FRMD5: variants seen among roughly 807,000 people sequenced by gnomAD.
The protein encoded by FRMD5 is FERM domain-containing protein 5.
In FRMD5, 20 loss-of-function variants were observed where a neutral mutation model predicts 69.0. That is an observed-to-expected ratio of 0.29 (90% CI 0.20 to 0.42). FRMD5 has a LOEUF of 0.42. FRMD5 is among the 10% of genes least tolerant of loss of function. The pLI, the probability that FRMD5 is intolerant of heterozygous loss-of-function variation, is 1.00. For synonymous variants in FRMD5, 271 were observed against 260.1 expected (o/e 1.04, Z -0.40); for missense variants, 595 against 708.6 (o/e 0.84, Z 1.82).
intron 1 of FRMD5, among the ~76,000 whole-genome samples, chr15:44,144,811 C>G (rs1372457975): frequency 2.0e-5 from 3 of 152,124 alleles, no homozygotes; most frequent in Non-Finnish European, 4.4e-5. Flanking sequence ...CAAGTCCTTC[C>G]AAGCGTTTTA....
intron 1 of FRMD5, among the ~76,000 whole-genome samples, chr15:44,058,855 A>C (rs1566925282): frequency 6.6e-6 from 1 of 152,182 alleles, no homozygotes; most frequent in Non-Finnish European, 1.5e-5. Flanking sequence ...CTGGCTCAGA[A>C]GCAAAAATGT....
At chr15:44,193,077 A>C (rs1387729385) in intron 1 of FRMD5, among the ~76,000 whole-genome samples, 2 of 152,348 alleles carry the variant, frequency 1.3e-5, no homozygotes, top group East Asian at 1.9e-4. Context: ...TTATAATACC[A>C]ATCAAGCAAC....
Position 44,015,432 on chromosome 15 carries a change from G to A in FRMD5, c.103-91123C>T, listed in dbSNP as rs114880363. 4.9e-3 allele frequency among the ~76,000 whole-genome samples: 742 copies of A among 152,234 alleles called. 5 individuals are homozygous for A. Among genetic ancestry groups the A allele is most frequent in the African/African-American group, 0.017 (712 of 41,532 alleles). On this transcript the variant is annotated intron_variant, in intron 1 of 13. Transcript: ENST00000417257. ...GCTGGAATTATAGGTGTGGGCAACC[G>A]TGCCTGGCCCTGAAGGTATTTTAAT...
chr15:43,981,313 GAA>G (rs140030764), intron 1 of FRMD5, among the ~76,000 whole-genome samples: 1 of 151,110 alleles, frequency 6.6e-6, no homozygotes, highest in African/African-American at 2.4e-5. Flanking sequence ...ATAAATTAGA[GAA>G]AAAAAAATTA....
intron 2 of FRMD5, among the ~76,000 whole-genome samples, chr15:43,921,113 C>T (rs2089486117): frequency 6.6e-6 from 1 of 152,192 alleles, no homozygotes; most frequent in Non-Finnish European, 1.5e-5. Flanking sequence ...ATTACACGGC[C>T]CACCGCGGCT....
intron 1 of FRMD5, among the ~76,000 whole-genome samples, chr15:43,999,416 T>C (rs1890080274): frequency 6.6e-6 from 1 of 152,150 alleles, no homozygotes; most frequent in African/African-American, 2.4e-5. Flanking sequence ...TTCACACTGT[T>C]GTGCGACCAA....
intron 1 of FRMD5, among the ~76,000 whole-genome samples, chr15:44,140,880 C>CAAAAAAAAAA (rs1203954176): frequency 2.2e-4 from 7 of 31,926 alleles, no homozygotes; most frequent in Admixed American, 3.8e-4. Context: ...GAGACTGTCT[C>CAAAAAAAAAA]AAAAAAAAAA....
chr15:44,113,025 G>A (rs979043165), intron 1 of FRMD5, among the ~76,000 whole-genome samples: 3 of 152,178 alleles, frequency 2.0e-5, no homozygotes, highest in African/African-American at 7.2e-5. Context: ...GGGTCTTATA[G>A]GAATGGTTCT....
intron 2 of FRMD5, among the ~76,000 whole-genome samples, chr15:43,921,304 T>G (rs889110271): frequency 6.6e-6 from 1 of 152,076 alleles, no homozygotes; most frequent in South Asian, 2.1e-4. Context: ...CCCCAGACAT[T>G]AGACTGATAG....
chr15:44,049,696 C>T (rs1396475100), intron 1 of FRMD5, among the ~76,000 whole-genome samples: 1 of 152,154 alleles, frequency 6.6e-6, no homozygotes, highest in Non-Finnish European at 1.5e-5. Flanking sequence ...TAAAATCCTT[C>T]AGTCAGTCAA....
Position 43,885,728 on chromosome 15 carries a change from T to G in FRMD5, c.912A>C (p.Thr304=), listed in dbSNP as rs756826097. The G allele has an allele frequency of 6.2e-7, 1 of 1,614,222 alleles. No individual in the cohort carries two copies. Among genetic ancestry groups the G allele is most frequent in the Non-Finnish European group, 8.5e-7 (1 of 1,180,006 alleles). The change falls in exon 11 of 14, where the codon ACA becomes ACC. Residue 304 remains threonine (T), a synonymous_variant. Coordinates refer to ENST00000417257, the MANE Select transcript of FRMD5 (RefSeq NM_032892.5). ...YKLEKSSQVR[T]VSSSNLFFKG... is the part of the protein sequence containing the mutation. The stretch of plus-strand genomic sequence containing the variant: ...TAAAGAATAAATTGCTGCTGGACAC[T>G]GTGCGGACTTGGCTTGACTTCTCCA...
intron 1 of FRMD5, among the ~76,000 whole-genome samples, chr15:43,977,367 C>T (rs2140605749): frequency 6.6e-6 from 1 of 152,224 alleles, no homozygotes; most frequent in East Asian, 1.9e-4. Context: ...TTCTCACATT[C>T]CCACCTCTTT....
At chr15:43,914,939 C>T (rs1384466230) in intron 4 of FRMD5, among the ~76,000 whole-genome samples, 1 of 152,050 alleles carries the variant, frequency 6.6e-6, no homozygotes, top group Non-Finnish European at 1.5e-5. Flanking sequence ...TTTGGCCAGG[C>T]TGGTCTCAAA....
chr15:43,916,298 A>C (rs2089386074), intron 4 of FRMD5, among the ~76,000 whole-genome samples: 1 of 152,198 alleles, frequency 6.6e-6, no homozygotes. Context: ...CAGGAAACAG[A>C]AGTTAGCTGC....
intron 1 of FRMD5, among the ~76,000 whole-genome samples, chr15:43,938,185 C>T (rs542558006): frequency 3.8e-4 from 56 of 145,864 alleles, no homozygotes; most frequent in African/African-American, 1.3e-3. Context: ...GAGCCGAGAT[C>T]GCGCCACTGG....
At chr15:44,082,208 C>T (rs987543304) in intron 1 of FRMD5, among the ~76,000 whole-genome samples, 3 of 151,910 alleles carry the variant, frequency 2.0e-5, no homozygotes, top group African/African-American at 7.2e-5. Flanking sequence ...TATCGGAACA[C>T]AGAGGGGAAA....
chr15:44,139,549 A>AT (rs1320095548), intron 1 of FRMD5, among the ~76,000 whole-genome samples: 5 of 151,822 alleles, frequency 3.3e-5, no homozygotes, highest in Non-Finnish European at 5.9e-5. Flanking sequence ...GTATAACAAC[A>AT]TTAACAGACA....
chr15:43,982,562 T>G (rs1391521546), intron 1 of FRMD5, among the ~76,000 whole-genome samples: 4 of 152,232 alleles, frequency 2.6e-5, no homozygotes, highest in Non-Finnish European at 5.9e-5. Flanking sequence ...ATCTTGGTGC[T>G]CACTTCCTTA....
intron 1 of FRMD5, among the ~76,000 whole-genome samples, chr15:44,116,784 A>G (rs541379943): frequency 4.6e-5 from 7 of 152,242 alleles, no homozygotes; most frequent in African/African-American, 1.4e-4. Flanking sequence ...AAAATTTATT[A>G]AAGTGTGACT....
Sources: gnomAD v4.1 joint callset for allele counts (sites outside exome capture counted in the v4.1 genomes callset) on GRCh38, gnomAD v4.1.1 for gene constraint, MANE v1.5 for transcripts, NCBI Gene and HGNC (gene_info 2026-07-23, HGNC 2026-07-21) for gene names.